Variants in CRCP observed in about 807,000 individuals in gnomAD.
CRCP encodes the protein CGRP receptor component, also known as DNA-directed RNA polymerase III subunit RPC9.
Under a neutral mutation model 18.5 loss-of-function variants are expected in CRCP, and 18 were observed. That is an observed-to-expected ratio of 0.97 (90% CI 0.67 to 1.44). CRCP has a LOEUF of 1.44. Ranked by LOEUF, CRCP falls within the 40% of genes most tolerant of loss-of-function variation. The pLI is 0.00. For missense variants in CRCP, 130 were observed against 176.4 expected, an observed-to-expected ratio of 0.74 and a Z score of 1.49; for synonymous variants, 53 against 62.9, an observed-to-expected ratio of 0.84 and a Z score of 0.75.
intron 5 of CRCP, among the ~76,000 whole-genome samples, chr7:66,147,724 A>G (rs766785398): frequency 1.3e-5 from 2 of 152,204 alleles, no homozygotes; most frequent in African/African-American, 2.4e-5. Context: ...ATTGTTTACC[A>G]AGGTTTGTAG....
intron 4 of CRCP, among the ~76,000 whole-genome samples, chr7:66,142,105 TC>T (rs1788158759): frequency 6.6e-6 from 1 of 152,154 alleles, no homozygotes; most frequent in South Asian, 2.1e-4. Flanking sequence ...CGTGGAGACC[TC>T]TCAGACGGGA....
At chr7:66,127,356 A>G (rs1787645673) in intron 1 of CRCP, among the ~76,000 whole-genome samples, 1 of 152,212 alleles carries the variant, frequency 6.6e-6, no homozygotes. Context: ...ATACTTGCCC[A>G]TGGCTGGAAT....
At chr7:66,121,104 C>T (rs180821016) in intron 1 of CRCP, among the ~76,000 whole-genome samples, 7 of 150,732 alleles carry the variant, frequency 4.6e-5, no homozygotes, top group East Asian at 1.9e-4. Flanking sequence ...GATGGAGTTT[C>T]GCTCTTGTCA....
At position 66,152,462 on chromosome 7, in the gene CRCP, G is replaced by C. The variant is rs73699725; in HGVS notation, c.*105G>C. ...TTGATTTTTATCCTCATCCCAGCAG[G>C]CCTGGCTTTGTGGTTAGTTGGGTAC... On this transcript the variant is annotated 3_prime_UTR_variant, in exon 6 of 6. Transcript: ENST00000395326. The C allele has an allele frequency of 8.1e-5, 108 of 1,331,644 alleles. No individual in the cohort carries two copies. In the African/African-American group the frequency reaches 1.4e-3, roughly 17 times the overall value. 82.5% of individuals were successfully genotyped at this position (1,331,644 alleles called of 1,614,324 possible). A position where few individuals can be genotyped will look rare whatever the true frequency, so the allele number is the denominator to read the frequency against.
chr7:66,134,543 A>T (rs1584082592), intron 4 of CRCP, 169 bp downstream of exon 4: 1 of 375,258 alleles, frequency 2.7e-6, no homozygotes, highest in Non-Finnish European at 4.4e-6. Context: ...TAAGGAACAA[A>T]TCTTTTTTTT....
intron 3 of CRCP, among the ~76,000 whole-genome samples, chr7:66,132,632 T>G (rs1300571682): frequency 6.6e-6 from 1 of 152,132 alleles, no homozygotes; most frequent in Admixed American, 6.6e-5. Flanking sequence ...TAGAAAGGAT[T>G]TGGCTGGGCG....
chr7:66,136,678 T>A (rs1275595603), intron 4 of CRCP, among the ~76,000 whole-genome samples: 1 of 152,104 alleles, frequency 6.6e-6, no homozygotes, highest in Non-Finnish European at 1.5e-5. Context: ...TATACATTTT[T>A]GAATTGACTT....
intron 5 of CRCP, among the ~76,000 whole-genome samples, chr7:66,147,175 C>G (rs1584099194): frequency 6.6e-6 from 1 of 152,200 alleles, no homozygotes; most frequent in African/African-American, 2.4e-5. Flanking sequence ...AACCCCATCT[C>G]TACTAAAAGT....
chr7:66,115,263 C>T (rs1309322313), intron 1 of CRCP, among the ~76,000 whole-genome samples: 1 of 152,196 alleles, frequency 6.6e-6, no homozygotes, highest in African/African-American at 2.4e-5. Context: ...ACCAGCGTTT[C>T]TGGGTCACAG....
chr7:66,145,597 C>A, intron 5 of CRCP, 97 bp downstream of exon 5: 2 of 1,246,176 alleles, frequency 1.6e-6, no homozygotes, highest in Non-Finnish European at 2.3e-6. Flanking sequence ...TTTTAAGAGG[C>A]TGCCCAACCA....
intron 4 of CRCP, among the ~76,000 whole-genome samples, chr7:66,141,754 T>C (rs1427626781): frequency 6.6e-6 from 1 of 152,168 alleles, no homozygotes; most frequent in Non-Finnish European, 1.5e-5. Context: ...AGAACACTTT[T>C]GGTGATCACT....
chr7:66,151,461 C>T (rs1788456300), intron 5 of CRCP, among the ~76,000 whole-genome samples: 1 of 151,858 alleles, frequency 6.6e-6, no homozygotes, highest in Non-Finnish European at 1.5e-5. Context: ...CCCAGCTATT[C>T]GGGAGGCTGA....
Position 66,114,897 on chromosome 7 carries a change from C to T in CRCP, c.-66C>T, listed in dbSNP as rs1335096661. On this transcript the variant is annotated 5_prime_UTR_variant, in exon 1 of 6. Transcript: ENST00000395326. ...GGCACCTTGGCGCTGTTGGTGGCGG[C>T]GGAGACAGCTGTGAAGTGTGAGGTT... The T allele has an allele frequency of 1.2e-6, 2 of 1,609,032 alleles. No individual in the cohort carries two copies. Among genetic ancestry groups the T allele is most frequent in the Admixed American group, 1.7e-5 (1 of 59,820 alleles).
chr7:66,117,067 A>G (rs1357843945), intron 1 of CRCP, among the ~76,000 whole-genome samples: 1 of 149,580 alleles, frequency 6.7e-6, no homozygotes, highest in Non-Finnish European at 1.5e-5. Flanking sequence ...GTTGCAGTGA[A>G]CCAAATTGTG....
At chr7:66,142,581 A>C (rs1033661626) in intron 4 of CRCP, among the ~76,000 whole-genome samples, 4 of 151,712 alleles carry the variant, frequency 2.6e-5, no homozygotes, top group African/African-American at 4.8e-5. Flanking sequence ...GAAGCCTCAG[A>C]CTCCTGGGCT....
chr7:66,128,318 A>T (rs905845393), intron 2 of CRCP, among the ~76,000 whole-genome samples: 1 of 152,198 alleles, frequency 6.6e-6, no homozygotes, highest in African/African-American at 2.4e-5. Context: ...AACGATTCCA[A>T]ATCATCATTT....
chr7:66,115,799 T>A (rs1417394099), intron 1 of CRCP, among the ~76,000 whole-genome samples: 2 of 152,202 alleles, frequency 1.3e-5, no homozygotes, highest in Non-Finnish European at 2.9e-5. Flanking sequence ...TTCACATTTT[T>A]ACATTTTTAA....
intron 4 of CRCP, among the ~76,000 whole-genome samples, chr7:66,143,983 A>G (rs991039515): frequency 6.6e-6 from 1 of 152,164 alleles, no homozygotes; most frequent in African/African-American, 2.4e-5. Context: ...TTCCCCCAAC[A>G]CATGGCTGCA....
At chr7:66,147,635 A>G (rs1403550148) in intron 5 of CRCP, among the ~76,000 whole-genome samples, 1 of 152,184 alleles carries the variant, frequency 6.6e-6, no homozygotes, top group Non-Finnish European at 1.5e-5. Context: ...GCCTTGGTAG[A>G]AACTGCTGTT....
Sources: allele counts gnomAD v4.1 joint callset (sites outside exome capture counted in the v4.1 genomes callset), GRCh38; gene constraint gnomAD v4.1.1; transcripts MANE v1.5; gene names NCBI Gene and HGNC (gene_info 2026-07-23, HGNC 2026-07-21).